Variants in SAMD3 observed in about 807,000 individuals in gnomAD.
The protein encoded by SAMD3 is sterile alpha motif domain containing 3.
Under a neutral mutation model 58.5 loss-of-function variants are expected in SAMD3, and 63 were observed. The observed-to-expected ratio is 1.08, with a 90% confidence interval of 0.88 to 1.33. The LOEUF is 1.33. Ranked by LOEUF, SAMD3 falls within the 40% of genes most tolerant of loss-of-function variation. The probability of loss-of-function intolerance (pLI) is 0.00; values close to 1 mark genes in which losing one functional copy is unlikely to be tolerated. For missense variants in SAMD3, 604 were observed against 608.4 expected, an observed-to-expected ratio of 0.99 and a Z score of 0.08; for synonymous variants, 220 against 210.3, an observed-to-expected ratio of 1.05 and a Z score of -0.40.
At chr6:130,279,825 T>C (rs963211939) in intron 2 of SAMD3, among the ~76,000 whole-genome samples, 1 of 152,142 alleles carries the variant, frequency 6.6e-6, no homozygotes, top group Non-Finnish European at 1.5e-5. Context: ...CTTGGGTATG[T>C]CTTCATAGCA....
chr6:130,183,125 A>G (rs911921643), intron 7 of SAMD3: 4 of 314,798 alleles, frequency 1.3e-5, no homozygotes, highest in Non-Finnish European at 2.5e-5. Context: ...TTGTGTTGAA[A>G]CGTCAGCGGC....
chr6:130,190,791 A>AT (rs1352777553), intron 5 of SAMD3, among the ~76,000 whole-genome samples: 1 of 152,068 alleles, frequency 6.6e-6, no homozygotes, highest in Non-Finnish European at 1.5e-5. Context: ...ATAAACACCG[A>AT]TTTAATCATG....
intron 2 of SAMD3, chr6:130,215,567 G>T: frequency 7.5e-7 from 1 of 1,339,920 alleles, no homozygotes; most frequent in South Asian, 2.2e-5. Flanking sequence ...GCATCTCTAA[G>T]CTTTACTAAC....
intron 2 of SAMD3, among the ~76,000 whole-genome samples, chr6:130,258,748 C>T (rs541531195): frequency 1.3e-5 from 2 of 152,086 alleles, no homozygotes; most frequent in East Asian, 3.9e-4. Flanking sequence ...TATAAATATA[C>T]TTTTAGAATT....
At chr6:130,329,396 C>T (rs566081061) in intron 1 of SAMD3, among the ~76,000 whole-genome samples, 1 of 152,080 alleles carries the variant, frequency 6.6e-6, no homozygotes, top group South Asian at 2.1e-4. Flanking sequence ...ATAAAAAGCA[C>T]CCAAAATGAG....
At chr6:130,275,107 T>G (rs1424803526) in intron 2 of SAMD3, among the ~76,000 whole-genome samples, 3 of 152,178 alleles carry the variant, frequency 2.0e-5, no homozygotes, top group Non-Finnish European at 4.4e-5. Context: ...CCATTAAATG[T>G]GAGAAACACT....
At chr6:130,234,572 C>T in intron 2 of SAMD3, among the ~76,000 whole-genome samples, 1 of 151,952 alleles carries the variant, frequency 6.6e-6, no homozygotes, top group East Asian at 1.9e-4. Context: ...TTCCATCATC[C>T]CAGAAGTTAC....
chr6:130,285,555 A>C (rs1434402085), intron 2 of SAMD3, among the ~76,000 whole-genome samples: 1 of 152,222 alleles, frequency 6.6e-6, no homozygotes, highest in Non-Finnish European at 1.5e-5. Context: ...GAGGATAAAA[A>C]GCCAATATGC....
At chr6:130,236,230 A>G (rs1773141912) in intron 2 of SAMD3, among the ~76,000 whole-genome samples, 1 of 152,200 alleles carries the variant, frequency 6.6e-6, no homozygotes, top group African/African-American at 2.4e-5. Context: ...TTGATTAAAT[A>G]CGGTGGATTA....
At chr6:130,168,162 G>A (rs573281087) in intron 8 of SAMD3, among the ~76,000 whole-genome samples, 11 of 152,240 alleles carry the variant, frequency 7.2e-5, no homozygotes, top group South Asian at 4.1e-4. Context: ...GGCCAGGCGC[G>A]GTGGCTCATG....
At chr6:130,200,280 G>T (rs115977031) in intron 5 of SAMD3, among the ~76,000 whole-genome samples, 1 of 151,016 alleles carries the variant, frequency 6.6e-6, no homozygotes, top group Non-Finnish European at 1.5e-5. Context: ...TCATTCATGC[G>T]CCTGTAATCT....
chr6:130,310,109 C>T (rs1776093833), intron 2 of SAMD3, among the ~76,000 whole-genome samples: 1 of 152,212 alleles, frequency 6.6e-6, no homozygotes, highest in Non-Finnish European at 1.5e-5. Flanking sequence ...CATGGTTTCT[C>T]TATTCTTACC....
rs185805408 is a variant in SAMD3, at chr6:130,292,581, C to T, written c.-188+20397G>A. On this transcript the variant is annotated intron_variant, in intron 2 of 13. Transcript: ENST00000368134. ...GGATTCCAGGCGTGTGTCACCATGC[C>T]CGGCCCGGAACAACTCTTTTTTGTT... is the stretch of plus-strand genomic sequence containing the variant. 1.4e-3 allele frequency among the ~76,000 whole-genome samples: 210 copies of T among 151,636 alleles called. 1 individual carries two copies. Among genetic ancestry groups the T allele is most frequent in the African/African-American group, 4.9e-3 (201 of 41,392 alleles).
At chr6:130,150,607 C>T (rs1479623961) in intron 9 of SAMD3, among the ~76,000 whole-genome samples, 1 of 152,086 alleles carries the variant, frequency 6.6e-6, no homozygotes, top group African/African-American at 2.4e-5. Flanking sequence ...TAGCTAAGGT[C>T]CTGGCTCAAA....
chr6:130,365,849 G>A (rs530433367), upstream of SAMD3: 6 of 985,660 alleles, frequency 6.1e-6, no homozygotes, highest in South Asian at 2.8e-4. Flanking sequence ...CGTCCTCCAG[G>A]AGGAGTGGGT....
intron 1 of SAMD3, among the ~76,000 whole-genome samples, chr6:130,342,157 G>A (rs1044639992): frequency 4.6e-5 from 7 of 152,142 alleles, no homozygotes; most frequent in African/African-American, 1.7e-4. Context: ...TCTGGAATAA[G>A]GGGCCATAGC....
chr6:130,208,350 C>T (rs754636217), intron 5 of SAMD3, among the ~76,000 whole-genome samples: 16 of 152,110 alleles, frequency 1.1e-4, no homozygotes, highest in African/African-American at 2.4e-4. Flanking sequence ...GTGGGACGGC[C>T]GTGAAATGCT....
At chr6:130,164,177 T>G (rs1207605839) in intron 8 of SAMD3, among the ~76,000 whole-genome samples, 1 of 151,948 alleles carries the variant, frequency 6.6e-6, no homozygotes, top group Admixed American at 6.6e-5. Flanking sequence ...CACATCAGAA[T>G]GCGGCAAAAT....
At chr6:130,228,883 C>T (rs537480731) in intron 2 of SAMD3, among the ~76,000 whole-genome samples, 19 of 152,158 alleles carry the variant, frequency 1.2e-4, no homozygotes, top group Non-Finnish European at 2.4e-4. Flanking sequence ...GGGCTCCTTG[C>T]CATTGGGAAG....
Sources: gnomAD v4.1 joint callset for allele counts (sites outside exome capture counted in the v4.1 genomes callset) on GRCh38, gnomAD v4.1.1 for gene constraint, MANE v1.5 for transcripts, NCBI Gene and HGNC (gene_info 2026-07-23, HGNC 2026-07-21) for gene names.